TRAFD1: variants seen among roughly 807,000 people sequenced by gnomAD.
The protein encoded by TRAFD1 is TRAF-type zinc finger domain containing 1, also known as TRAF-type zinc finger domain-containing protein 1.
In TRAFD1, 38 loss-of-function variants were observed where a neutral mutation model predicts 65.3. The observed-to-expected ratio is 0.58, with a 90% CI of 0.45 to 0.76. The LOEUF is 0.76. Among genes scored for constraint, TRAFD1 ranks in the 30% least tolerant of loss-of-function variants. TRAFD1 has a pLI of 0.00. For synonymous variants in TRAFD1, 223 were observed against 257.2 expected (o/e 0.87, Z 1.27); for missense variants, 631 against 712.6 (o/e 0.89, Z 1.30).
chr12:112,141,979 A>T, intron 5 of TRAFD1, 110 bp from the exon 6 acceptor site: 1 of 1,219,488 alleles, frequency 8.2e-7, no homozygotes, highest in Non-Finnish European at 1.1e-6. Flanking sequence ...GGTCATTTTT[A>T]TTCCTTCCCG....
At chr12:112,145,773 A>C in intron 7 of TRAFD1, 111 bp downstream of exon 7, 1 of 891,502 alleles carries the variant, frequency 1.1e-6, no homozygotes. Flanking sequence ...TGCCCATAGT[A>C]GGAATAGCAA....
intron 2 of TRAFD1, among the ~76,000 whole-genome samples, chr12:112,131,993 C>A (rs1246097735): frequency 6.6e-6 from 1 of 151,940 alleles, no homozygotes; most frequent in Non-Finnish European, 1.5e-5. Flanking sequence ...TTTTAGGGGC[C>A]TTGTGTATGT....
rs1364788959 is a variant in TRAFD1 at position 112,134,998 on chromosome 12, C to G, written c.184-15C>G. ...GTCCCAAAGCCAATTTACTGATTCT[C>G]ACTTCTTACTCTAGGTGACCTGCAA... On this transcript the variant is annotated splice_polypyrimidine_tract_variant and intron_variant, in intron 3 of 11. Coordinates refer to ENST00000412615, the MANE Select transcript of TRAFD1 (RefSeq NM_006700.3). 6.2e-7 allele frequency: 1 copy of G among 1,614,066 alleles called. No homozygotes were observed. Among genetic ancestry groups the G allele is most frequent in the Non-Finnish European group, 8.5e-7 (1 of 1,180,046 alleles).
chr12:112,134,580 A>G (rs2079586039), intron 2 of TRAFD1, among the ~76,000 whole-genome samples, 158 bp from the exon 3 acceptor site: 1 of 152,168 alleles, frequency 6.6e-6, no homozygotes, highest in African/African-American at 2.4e-5. Flanking sequence ...GAAAAGCAGG[A>G]ATGGTAATAG....
At position 112,147,526 on chromosome 12, in the gene TRAFD1, G is replaced by A. The variant is rs187584886; in HGVS notation, c.928-548G>A. On this transcript the variant is annotated intron_variant, in intron 7 of 11. Transcript: ENST00000412615. ...GCCTCTCTTTTACTGTATGGATGTG[G>A]TGGGAAGAACCTTGAATCTTTTCAA... is the stretch of plus-strand genomic sequence containing the variant. Among the ~76,000 whole-genome samples the A allele has an allele frequency of 5.0e-3, 768 of 152,126 alleles. 3 individuals are homozygous for A. The highest frequency in any genetic ancestry group is 0.015 in the South Asian group (73 of 4,816).
At chr12:112,134,485 A>G (rs182285081) in intron 2 of TRAFD1, among the ~76,000 whole-genome samples, 8 of 152,012 alleles carry the variant, frequency 5.3e-5, no homozygotes, top group Non-Finnish European at 1.0e-4. Context: ...CGAACGCCTG[A>G]CCTCAGGTGA....
At chr12:112,143,818 C>T (rs552066837) in intron 6 of TRAFD1, among the ~76,000 whole-genome samples, 3 of 150,592 alleles carry the variant, frequency 2.0e-5, no homozygotes, top group Non-Finnish European at 4.4e-5. Context: ...CTGCAGCCTC[C>T]GCCCCCAGGC....
intron 4 of TRAFD1, among the ~76,000 whole-genome samples, chr12:112,135,560 A>G (rs1267373191): frequency 6.6e-6 from 1 of 151,872 alleles, no homozygotes; most frequent in Non-Finnish European, 1.5e-5. Flanking sequence ...CGGCCTCCTG[A>G]GTAGCTGGGA....
chr12:112,146,087 T>G (rs1408092881), intron 7 of TRAFD1, among the ~76,000 whole-genome samples: 1 of 148,450 alleles, frequency 6.7e-6, no homozygotes, highest in Non-Finnish European at 1.5e-5. Flanking sequence ...AGTTAATGGG[T>G]GCAGCACACC....
intron 4 of TRAFD1, among the ~76,000 whole-genome samples, chr12:112,135,470 G>T (rs2079593767): frequency 6.6e-6 from 1 of 152,112 alleles, no homozygotes; most frequent in Non-Finnish European, 1.5e-5. Context: ...GTCTTGTTCT[G>T]TTGCCCAGGC....
intron 4 of TRAFD1, among the ~76,000 whole-genome samples, 200 bp downstream of exon 4, chr12:112,135,266 T>C (rs781430793): frequency 1.3e-5 from 2 of 152,214 alleles, no homozygotes; most frequent in African/African-American, 2.4e-5. Context: ...CTTGTGTATG[T>C]TGAGACTCGC....
intron 6 of TRAFD1, among the ~76,000 whole-genome samples, chr12:112,143,714 A>T (rs938957291): frequency 1.4e-5 from 2 of 147,742 alleles, no homozygotes; most frequent in African/African-American, 5.0e-5. Context: ...TAGTCATATT[A>T]CAGTTCCCGC....
chr12:112,129,591 T>C (rs1019236561), intron 1 of TRAFD1, among the ~76,000 whole-genome samples: 1 of 152,168 alleles, frequency 6.6e-6, no homozygotes, highest in African/African-American at 2.4e-5. Context: ...ACTATTGTTA[T>C]GATGCTTTTA....
Position 112,152,303 on chromosome 12 carries a change from T to C in TRAFD1, c.1620-124T>C. 4 of 1,452,546 alleles carry C rather than the reference T, an allele frequency of 2.8e-6. No individual in the cohort carries two copies. In the South Asian group the frequency reaches 5.0e-5, roughly 18 times the overall value. 90.0% of individuals were successfully genotyped at this position (1,452,546 alleles called of 1,614,324 possible). Reference sequence around the variant, plus strand: ...TTGTCACCTGACTCCAAAAAAATTATTTTGTGGCCTATGGGTTTTTTGGGG... The same window carrying C: ...TTGTCACCTGACTCCAAAAAAATTACTTTGTGGCCTATGGGTTTTTTGGGG... On this transcript the variant is annotated intron_variant, in intron 10 of 11. Transcript: ENST00000412615. The surrounding 1 kb of genome is among the most constrained non-coding windows in gnomAD (Gnocchi z 5.0).
In TRAFD1 at chr12:112,152,654, GA is replaced by G; in HGVS notation, c.1693-80del. The G allele has an allele frequency of 6.2e-7, 1 of 1,608,030 alleles. No homozygotes were observed. The highest frequency in any genetic ancestry group is 8.5e-7 in the Non-Finnish European group (1 of 1,175,340). ...GAGAAGGAGGTTTCTAAGGAAGCGGGACATTTTCGGGGATCCAGGGGAGGAG... is the reference window on the plus strand; with the variant it reads ...GAGAAGGAGGTTTCTAAGGAAGCGGGCATTTTCGGGGATCCAGGGGAGGAG... On this transcript the variant is annotated intron_variant, in intron 11 of 11. Transcript: ENST00000412615. The surrounding 1 kb of genome is among the most constrained non-coding windows in gnomAD (Gnocchi z 5.0).
In TRAFD1 at chr12:112,152,163, T is replaced by C. The variant is rs754288859; in HGVS notation, c.1619+23T>C. The C allele has an allele frequency of 1.9e-6, 3 of 1,596,078 alleles. No individual in the cohort carries two copies. Among genetic ancestry groups the C allele is most frequent in the Non-Finnish European group, 2.6e-6 (3 of 1,170,114 alleles). ...TAGGTAAGAATCAGTAGCCCAGGAA[T>C]GGGGCTTGGGAGTAGCTGAAGCGAA... On this transcript the variant is annotated intron_variant, in intron 10 of 11. Coordinates refer to ENST00000412615, the MANE Select transcript of TRAFD1 (RefSeq NM_006700.3). This position sits in a 1 kb window ranked among gnomAD's most constrained non-coding sequence, Gnocchi z 5.0.
intron 7 of TRAFD1, 70 bp from the exon 8 acceptor site, chr12:112,148,004 A>G: frequency 7.3e-7 from 1 of 1,368,222 alleles, no homozygotes; most frequent in Non-Finnish European, 1.0e-6. Flanking sequence ...CTTCTAGAAA[A>G]TATTTTAGGA....
At chr12:112,149,655 C>T (rs544303804) in intron 8 of TRAFD1, 96 bp from the exon 9 acceptor site, 3 of 1,525,102 alleles carry the variant, frequency 2.0e-6, no homozygotes, top group African/African-American at 2.8e-5. Context: ...CAAAGTCCCC[C>T]TCCAGATGAG....
rs2030451533 is a variant in TRAFD1 at position 112,152,945 on chromosome 12, T to TG, written c.*155dup. The stretch of plus-strand genomic sequence containing the variant: ...GGCCATTTTGTGTCTTTTGAGGTTG[T>TG]GCTGTGGGGGTTTGGGTTTGAGGGA... On this transcript the variant is annotated 3_prime_UTR_variant, in exon 12 of 12. Transcript: ENST00000412615. This position sits in a 1 kb window ranked among gnomAD's most constrained non-coding sequence, Gnocchi z 5.0. 1.2e-6 allele frequency: 1 copy of TG among 816,054 alleles called. No homozygotes were observed. Among genetic ancestry groups the TG allele is most frequent in the Non-Finnish European group, 1.9e-6 (1 of 533,628 alleles). 50.6% of individuals were successfully genotyped at this position (816,054 alleles called of 1,614,324 possible).
Sources: gnomAD v4.1 joint callset for allele counts (sites outside exome capture counted in the v4.1 genomes callset) on GRCh38, gnomAD v4.1.1 for gene constraint, Gnocchi (gnomAD v3.1) non-coding constraint, MANE v1.5 for transcripts, NCBI Gene and HGNC (gene_info 2026-07-23, HGNC 2026-07-21) for gene names.